FLVCR2: variants seen among roughly 807,000 people sequenced by gnomAD.
FLVCR2 encodes the protein FLVCR choline and putative heme transporter 2.
A neutral mutation model predicts 48.9 loss-of-function variants in FLVCR2; 38 were observed. The ratio of observed to expected loss-of-function variants is 0.78; its 90% confidence interval spans 0.60 to 1.02. The LOEUF (loss-of-function observed/expected upper bound fraction) is 1.02. FLVCR2 is among the 50% of genes least tolerant of loss of function. The pLI is 0.00. For missense variants in FLVCR2, 664 were observed against 663.3 expected, an observed-to-expected ratio of 1.00 and a Z score of -0.01; for synonymous variants, 255 against 257.0, an observed-to-expected ratio of 0.99 and a Z score of 0.07.
chr14:75,580,140 C>G (rs1213249583), intron 1 of FLVCR2, among the ~76,000 whole-genome samples: 3 of 152,208 alleles, frequency 2.0e-5, no homozygotes, highest in African/African-American at 4.8e-5. Flanking sequence ...GAAGCCAGGA[C>G]AGTGGGAGCA....
chr14:75,633,604 T>C (rs746245889), intron 3 of FLVCR2, 25 bp from the exon 4 acceptor site: 3 of 1,598,746 alleles, frequency 1.9e-6, no homozygotes, highest in South Asian at 1.1e-5. Context: ...GACCCTAATG[T>C]TGTATTTCTC....
In FLVCR2 at chr14:75,646,683, T is replaced by C. The variant is rs1890428094; in HGVS notation, c.*211T>C. The C allele has an allele frequency of 1.7e-6, 1 of 588,996 alleles. No homozygotes were observed. Among genetic ancestry groups the C allele is most frequent in the African/African-American group, 1.8e-5 (1 of 54,378 alleles). The allele number at this position is 588,996 out of a possible 1,614,324, so 36.5% of individuals were successfully genotyped here. A position where few individuals can be genotyped will look rare whatever the true frequency, so the allele number is the denominator to read the frequency against. On this transcript the variant is annotated 3_prime_UTR_variant, in exon 10 of 10. Coordinates refer to ENST00000238667, the MANE Select transcript of FLVCR2 (RefSeq NM_017791.3). Reference sequence around the variant, plus strand: ...ATTGCACCTATCACCAAATGCAAATTTGATTCCCACCTCCACCCCCTTTTA... The same window carrying C: ...ATTGCACCTATCACCAAATGCAAATCTGATTCCCACCTCCACCCCCTTTTA...
intron 8 of FLVCR2, 59 bp from the exon 9 acceptor site, chr14:75,641,784 T>C (rs2140055079): frequency 6.9e-6 from 10 of 1,459,190 alleles, no homozygotes; most frequent in Non-Finnish European, 9.6e-6. Context: ...GTTTCTTCTC[T>C]CGGATGAACG....
chr14:75,640,942 G>T lies in FLVCR2; in HGVS notation c.1236-13G>T. The T allele has an allele frequency of 6.3e-7, 1 of 1,591,856 alleles. No homozygotes were observed. The highest frequency in any genetic ancestry group is 8.6e-7 in the Non-Finnish European group (1 of 1,159,798). On this transcript the variant is annotated splice_polypyrimidine_tract_variant and intron_variant, in intron 6 of 9. Coordinates refer to ENST00000238667, the MANE Select transcript of FLVCR2 (RefSeq NM_017791.3). ...AGTTCTTCATCCCCTTGTTTCTCTG[G>T]TCTGGTCTTCAGCTTCTTTATGACT...
At chr14:75,608,514 A>G (rs1001953287) in intron 1 of FLVCR2, among the ~76,000 whole-genome samples, 1 of 152,216 alleles carries the variant, frequency 6.6e-6, no homozygotes, top group Non-Finnish European at 1.5e-5. Context: ...GGCATAGCAC[A>G]GAACTGATTC....
chr14:75,630,299 C>T (rs1367308195), intron 3 of FLVCR2, among the ~76,000 whole-genome samples: 1 of 152,112 alleles, frequency 6.6e-6, no homozygotes. Context: ...CCTTCCCATC[C>T]CAGCTGCCTC....
intron 1 of FLVCR2, among the ~76,000 whole-genome samples, chr14:75,611,467 G>A (rs1040893077): frequency 6.6e-6 from 1 of 152,192 alleles, no homozygotes; most frequent in African/African-American, 2.4e-5. Context: ...AAGGCACAGT[G>A]GCTCATGCCT....
chr14:75,626,778 A>C (rs1321416922), intron 3 of FLVCR2, among the ~76,000 whole-genome samples: 2 of 151,916 alleles, frequency 1.3e-5, no homozygotes, highest in Non-Finnish European at 2.9e-5. Context: ...TCAGGATTCC[A>C]TGACTCTAAG....
intron 1 of FLVCR2, chr14:75,605,352 C>T: frequency 1.0e-6 from 1 of 978,508 alleles, no homozygotes; most frequent in Non-Finnish European, 1.4e-6. Flanking sequence ...CCAAGTTAAC[C>T]CAGTGGAATA....
chr14:75,638,033 GAGA>G (rs896769182), intron 5 of FLVCR2, among the ~76,000 whole-genome samples: 1 of 152,194 alleles, frequency 6.6e-6, no homozygotes, highest in African/African-American at 2.4e-5. Flanking sequence ...GGCGAAGATA[GAGA>G]AGGTTTCTCA....
At chr14:75,617,482 A>G (rs916566939) in intron 1 of FLVCR2, among the ~76,000 whole-genome samples, 7 of 152,180 alleles carry the variant, frequency 4.6e-5, no homozygotes, top group Non-Finnish European at 1.0e-4. Context: ...AACACCCTCT[A>G]TTGGGATGAA....
intron 1 of FLVCR2, among the ~76,000 whole-genome samples, chr14:75,601,197 A>ACACG (rs1889157866): frequency 6.6e-6 from 1 of 152,276 alleles, no homozygotes; most frequent in Non-Finnish European, 1.5e-5. Context: ...TGCAGCAGGA[A>ACACG]CACGCCTTTA....
chr14:75,601,268 C>T (rs1889160426), intron 1 of FLVCR2, among the ~76,000 whole-genome samples: 1 of 152,272 alleles, frequency 6.6e-6, no homozygotes, highest in African/African-American at 2.4e-5. Flanking sequence ...GGTTTTCCGC[C>T]TTGGGCGGGC....
chr14:75,589,991 C>T (rs890522430), intron 1 of FLVCR2, among the ~76,000 whole-genome samples: 4 of 152,122 alleles, frequency 2.6e-5, no homozygotes, highest in African/African-American at 9.7e-5. Context: ...ATAATAATGC[C>T]CGAGACTGAG....
intron 1 of FLVCR2, among the ~76,000 whole-genome samples, chr14:75,599,003 T>C (rs34124900): frequency 2.8e-4 from 43 of 152,328 alleles, no homozygotes; most frequent in Non-Finnish European, 5.1e-4. Flanking sequence ...TGGAGAGGAA[T>C]GTCAGCAAGA....
intron 1 of FLVCR2, among the ~76,000 whole-genome samples, chr14:75,597,279 C>CAAA (rs751154954): frequency 9.4e-6 from 1 of 106,724 alleles, no homozygotes; most frequent in Non-Finnish European, 1.9e-5. Flanking sequence ...AGACCCATCT[C>CAAA]AAAAAAAAAA....
At chr14:75,595,168 C>G (rs1888987198) in intron 1 of FLVCR2, among the ~76,000 whole-genome samples, 2 of 152,182 alleles carry the variant, frequency 1.3e-5, no homozygotes, top group African/African-American at 4.8e-5. Flanking sequence ...ATTATTTCAA[C>G]AAGTTGTCAA....
intron 1 of FLVCR2, among the ~76,000 whole-genome samples, chr14:75,583,823 T>C (rs1440496678): frequency 6.6e-6 from 1 of 152,124 alleles, no homozygotes; most frequent in Non-Finnish European, 1.5e-5. Context: ...AATGTGGAAT[T>C]GGTAGCCTCC....
At chr14:75,590,264 C>T (rs1888849114) in intron 1 of FLVCR2, among the ~76,000 whole-genome samples, 2 of 152,192 alleles carry the variant, frequency 1.3e-5, no homozygotes, top group Non-Finnish European at 2.9e-5. Context: ...CAGCACCAAG[C>T]CGTTCATGGG....
Sources: allele counts gnomAD v4.1 joint callset (sites outside exome capture counted in the v4.1 genomes callset), GRCh38; gene constraint gnomAD v4.1.1; transcripts MANE v1.5; gene names NCBI Gene and HGNC (gene_info 2026-07-23, HGNC 2026-07-21).